Variants in ANKRD13D observed in about 807,000 individuals in gnomAD.
The protein encoded by ANKRD13D is ankyrin repeat domain 13D.
In ANKRD13D, 24 loss-of-function variants were observed where a neutral mutation model predicts 68.8. The ratio of observed to expected loss-of-function variants is 0.35; its 90% CI spans 0.25 to 0.49. The LOEUF (loss-of-function observed/expected upper bound fraction) is 0.49, where lower values mean the gene tolerates loss of function less well. Ranked by LOEUF, ANKRD13D falls within the 20% of genes least tolerant of loss-of-function variation. The pLI is 0.99. For synonymous variants in ANKRD13D, 331 were observed against 336.1 expected (o/e 0.98, Z 0.16); for missense variants, 735 against 832.1 (o/e 0.88, Z 1.44).
intron 1 of ANKRD13D, 81 bp downstream of exon 1, chr11:67,289,631 C>G (rs1427644929): frequency 2.9e-5 from 34 of 1,176,232 alleles, no homozygotes; most frequent in Admixed American, 6.9e-5. Context: ...GCCCCCCCCC[C>G]CCCCCCGCCC....
intron 6 of ANKRD13D, chr11:67,298,828 AC>A: frequency 1.8e-6 from 1 of 570,550 alleles, no homozygotes; most frequent in Non-Finnish European, 3.1e-6. Context: ...ACACTATCAT[AC>A]CTCACAAGAT....
In ANKRD13D at chr11:67,300,020, A is replaced by G. The variant is rs760203702; in HGVS notation, c.970A>G (p.Thr324Ala). The change falls in exon 10 of 15, where the codon ACC becomes GCC. Residue 324 changes from threonine to alanine, a missense_variant. Physicochemically the swap from Thr to Ala is moderately conservative, Grantham distance 58. Coordinates refer to ENST00000511455, the MANE Select transcript of ANKRD13D (RefSeq NM_207354.3). This position sits in a 1 kb window ranked among gnomAD's most constrained non-coding sequence, Gnocchi z 4.3. The stretch of plus-strand genomic sequence containing the variant: ...CCCCGTGCAGCAGGCAGCCAGCCCC[A>G]CCAACCCCACAGCCATCTCCCCTGA... Reference protein sequence around the residue: ...GAPVQQAASPTNPTAISPEEY... With the variant: ...GAPVQQAASPANPTAISPEEY... 8.1e-6 allele frequency: 13 copies of G among 1,613,360 alleles called. No individual in the cohort carries two copies. The highest frequency in any genetic ancestry group is 3.3e-5 in the South Asian group (3 of 91,056).
chr11:67,300,038 TC>T lies in ANKRD13D; in HGVS notation c.992del (p.Pro331LeufsTer35). The T allele has an allele frequency of 6.2e-7, 1 of 1,613,632 alleles. No individual in the cohort carries two copies. The highest frequency in any genetic ancestry group is 1.1e-5 in the South Asian group (1 of 91,060). ...CAGCCCCACCAACCCCACAGCCATC[TC>T]CCCTGAGGAGTACTTCGACCCCAAC... ...AASPTNPTAI[S>X]PEEYFDPNFS... On this transcript the variant is annotated frameshift_variant, in exon 10 of 15. Coordinates refer to ENST00000511455, the MANE Select transcript of ANKRD13D (RefSeq NM_207354.3). LOFTEE classifies it high-confidence loss of function. This position sits in a 1 kb window ranked among gnomAD's most constrained non-coding sequence, Gnocchi z 4.3.
In ANKRD13D at chr11:67,299,149, C is replaced by A; in HGVS notation, c.798+25C>A. On this transcript the variant is annotated intron_variant, in intron 7 of 14. Coordinates refer to ENST00000511455, the MANE Select transcript of ANKRD13D (RefSeq NM_207354.3). This position sits in a 1 kb window ranked among gnomAD's most constrained non-coding sequence, Gnocchi z 6.2. ...GGCAGGAGAGGCTAGGGGTGGGGGG[C>A]TGGGGGTAGGAGATGAGGTCCAGGA... is the stretch of plus-strand genomic sequence containing the variant. The A allele has an allele frequency of 2.1e-6, 2 of 970,824 alleles. No individual in the cohort carries two copies. Among genetic ancestry groups the A allele is most frequent in the Non-Finnish European group, 3.3e-6 (2 of 614,256 alleles). The allele number at this position is 970,824 out of a possible 1,614,324, so 60.1% of individuals were successfully genotyped here. A position where few individuals can be genotyped will look rare whatever the true frequency, so the allele number is the denominator to read the frequency against.
intron 6 of ANKRD13D, among the ~76,000 whole-genome samples, chr11:67,294,337 G>C (rs1860683475): frequency 6.6e-6 from 1 of 152,158 alleles, no homozygotes; most frequent in South Asian, 2.1e-4. Context: ...GATAGGAATT[G>C]CACTGAATCT....
intron 6 of ANKRD13D, chr11:67,297,961 T>G (rs1009464856): frequency 2.0e-5 from 3 of 150,536 alleles, no homozygotes; most frequent in African/African-American, 2.4e-5. Flanking sequence ...ATTTCCAAAG[T>G]TTTTTTTTTC....
At position 67,299,497 on chromosome 11, in the gene ANKRD13D, A is replaced by G; in HGVS notation, c.799-33A>G. ...GGCTGAGTGTGGGGAGCAGGCTCTG[A>G]GCCCCCAGCTCCCCGTGTCCCCTGC... On this transcript the variant is annotated intron_variant, in intron 7 of 14. Transcript: ENST00000511455. This position sits in a 1 kb window ranked among gnomAD's most constrained non-coding sequence, Gnocchi z 6.2. The G allele has an allele frequency of 6.6e-7, 1 of 1,520,552 alleles. No homozygotes were observed. The allele number at this position is 1,520,552 out of a possible 1,614,324, so 94.2% of individuals were successfully genotyped here.
Position 67,299,309 on chromosome 11 carries a change from C to G in ANKRD13D, c.798+185C>G, listed in dbSNP as rs1016499254. The G allele has an allele frequency of 6.7e-6, 5 of 741,454 alleles. No individual in the cohort carries two copies. The highest frequency in any genetic ancestry group is 5.2e-5 in the Admixed American group (2 of 38,492). The allele number at this position is 741,454 out of a possible 1,614,324, so 45.9% of individuals were successfully genotyped here. A position where few individuals can be genotyped will look rare whatever the true frequency, so the allele number is the denominator to read the frequency against. Reference sequence around the variant, plus strand: ...GGCTCACCCACATCATGGGCCCCTACCCAGGGTACCGAGATCAAAAGAGGA... The same window carrying G: ...GGCTCACCCACATCATGGGCCCCTAGCCAGGGTACCGAGATCAAAAGAGGA... On this transcript the variant is annotated intron_variant, in intron 7 of 14. Coordinates refer to ENST00000511455, the MANE Select transcript of ANKRD13D (RefSeq NM_207354.3). This position sits in a 1 kb window ranked among gnomAD's most constrained non-coding sequence, Gnocchi z 6.2.
chr11:67,299,413 T>C lies in ANKRD13D; in HGVS notation c.799-117T>C, dbSNP rs780103882. ...TTCAGACCCTGCCACCTCCTCCATTTTGGGGAGCAAGATCTCATCTGTCTC... is the reference window on the plus strand; with the variant it reads ...TTCAGACCCTGCCACCTCCTCCATTCTGGGGAGCAAGATCTCATCTGTCTC... On this transcript the variant is annotated intron_variant, in intron 7 of 14. Coordinates refer to ENST00000511455, the MANE Select transcript of ANKRD13D (RefSeq NM_207354.3). The surrounding 1 kb of genome is among the most constrained non-coding windows in gnomAD (Gnocchi z 6.2). The C allele has an allele frequency of 3.3e-6, 3 of 913,304 alleles. No homozygotes were observed. Among genetic ancestry groups the C allele is most frequent in the Non-Finnish European group, 3.3e-6 (2 of 597,894 alleles). 56.6% of individuals were successfully genotyped at this position (913,304 alleles called of 1,614,324 possible).
chr11:67,301,173 G>A lies in ANKRD13D; in HGVS notation c.1231+26G>A. 1 of 1,609,762 alleles carries A rather than the reference G, an allele frequency of 6.2e-7. No homozygotes were observed. The highest frequency in any genetic ancestry group is 8.5e-7 in the Non-Finnish European group (1 of 1,177,516). ...GTGAGAGGCTGGGCACAGGCAGCGG[G>A]AGGACCTCAGGCATGGCACCCTCCC... On this transcript the variant is annotated intron_variant, in intron 11 of 14. Coordinates refer to ENST00000511455, the MANE Select transcript of ANKRD13D (RefSeq NM_207354.3). The surrounding 1 kb of genome is among the most constrained non-coding windows in gnomAD (Gnocchi z 4.5).
Position 67,300,835 on chromosome 11 carries a change from C to A in ANKRD13D, c.1074-155C>A, listed in dbSNP as rs77994298. On this transcript the variant is annotated intron_variant, in intron 10 of 14. Coordinates refer to ENST00000511455, the MANE Select transcript of ANKRD13D (RefSeq NM_207354.3). This position sits in a 1 kb window ranked among gnomAD's most constrained non-coding sequence, Gnocchi z 4.3. ...TTGGGCCACGTGGCCAGGACACCAG[C>A]TCCCGGGGGAGGCGGGCAGCGGCAT... 80 of 951,682 alleles carry A rather than the reference C, an allele frequency of 8.4e-5. No individual in the cohort carries two copies. In the African/African-American group the frequency reaches 1.2e-3, roughly 14 times the overall value. 59.0% of individuals were successfully genotyped at this position (951,682 alleles called of 1,614,324 possible).
Position 67,289,332 on chromosome 11 carries a change from C to G in ANKRD13D, c.-129C>G. On this transcript the variant is annotated 5_prime_UTR_variant, in exon 1 of 15. Transcript: ENST00000511455. ...TCCCTGCCGCCCGCGCTGCCGCCGC[C>G]GCCGCCGCCGCCGCTACTGCTGCGG... The G allele has an allele frequency of 2.0e-6, 1 of 499,206 alleles. No individual in the cohort carries two copies. Among genetic ancestry groups the G allele is most frequent in the Non-Finnish European group, 2.6e-6 (1 of 386,920 alleles). The allele number at this position is 499,206 out of a possible 1,614,324, so 30.9% of individuals were successfully genotyped here. A position where few individuals can be genotyped will look rare whatever the true frequency, so the allele number is the denominator to read the frequency against.
rs769379735 is a variant in ANKRD13D, at chr11:67,300,158, G to C, written c.1073+35G>C. On this transcript the variant is annotated intron_variant, in intron 10 of 14. Coordinates refer to ENST00000511455, the MANE Select transcript of ANKRD13D (RefSeq NM_207354.3). This position sits in a 1 kb window ranked among gnomAD's most constrained non-coding sequence, Gnocchi z 4.3. ...GAGAGCTGGCTGGGGACTTGCCTCG[G>C]GACAAGGGCTCTTGCAGACCCCTCT... is the stretch of plus-strand genomic sequence containing the variant. 1 of 1,612,054 alleles carries C rather than the reference G, an allele frequency of 6.2e-7. No homozygotes were observed. The highest frequency in any genetic ancestry group is 1.1e-5 in the South Asian group (1 of 90,948).
At chr11:67,290,677 C>T (rs940375321) in intron 3 of ANKRD13D, 3 of 566,392 alleles carry the variant, frequency 5.3e-6, no homozygotes, top group Non-Finnish European at 5.8e-6. Flanking sequence ...CAGCTTTGGG[C>T]CTCCTGAAGA....
chr11:67,291,816 G>A (rs1297793018), intron 5 of ANKRD13D, 70 bp downstream of exon 5: 11 of 1,577,462 alleles, frequency 7.0e-6, no homozygotes, highest in Non-Finnish European at 9.5e-6. Context: ...GGACGGTGCT[G>A]CCTTTTCTCT....
chr11:67,297,594 C>T (rs961473712), intron 6 of ANKRD13D, among the ~76,000 whole-genome samples: 10 of 149,474 alleles, frequency 6.7e-5, no homozygotes, highest in Non-Finnish European at 1.5e-4. Context: ...GGCACGATCT[C>T]GGCTTACTGC....
In ANKRD13D at chr11:67,299,402, C is replaced by T. The variant is rs1860885697; in HGVS notation, c.799-128C>T. 6 of 841,598 alleles carry T rather than the reference C, an allele frequency of 7.1e-6. No homozygotes were observed. Among genetic ancestry groups the T allele is most frequent in the East Asian group, 5.3e-5 (2 of 37,460 alleles). The allele number at this position is 841,598 out of a possible 1,614,324, so 52.1% of individuals were successfully genotyped here. A position where few individuals can be genotyped will look rare whatever the true frequency, so the allele number is the denominator to read the frequency against. On this transcript the variant is annotated intron_variant, in intron 7 of 14. Transcript: ENST00000511455. The surrounding 1 kb of genome is among the most constrained non-coding windows in gnomAD (Gnocchi z 6.2). ...ACTTCCTGGGGTTCAGACCCTGCCA[C>T]CTCCTCCATTTTGGGGAGCAAGATC...
intron 3 of ANKRD13D, 74 bp from the exon 4 acceptor site, chr11:67,291,402 T>G (rs2136520028): frequency 5.3e-6 from 7 of 1,310,400 alleles, no homozygotes; most frequent in African/African-American, 1.5e-5. Context: ...GGGCTGGCTG[T>G]GGACAAGGGG....
chr11:67,295,380 T>C (rs937163818), intron 6 of ANKRD13D, among the ~76,000 whole-genome samples: 1 of 150,048 alleles, frequency 6.7e-6, no homozygotes, highest in African/African-American at 2.5e-5. Flanking sequence ...TCACGCCACT[T>C]CACTCCAGCC....
Sources: gnomAD v4.1 joint callset for allele counts (sites outside exome capture counted in the v4.1 genomes callset) on GRCh38, gnomAD v4.1.1 for gene constraint, Gnocchi (gnomAD v3.1) non-coding constraint, MANE v1.5 for transcripts, NCBI Gene and HGNC (gene_info 2026-07-23, HGNC 2026-07-21) for gene names.